Variants in ADARB2 observed in about 807,000 individuals in gnomAD.
The protein encoded by ADARB2 is adenosine deaminase RNA specific B2 (inactive), also known as inactive double-stranded RNA-specific editase B2.
In ADARB2, 25 loss-of-function variants were observed where a neutral mutation model predicts 62.2. The observed-to-expected ratio is 0.40, with a 90% CI of 0.29 to 0.56. The LOEUF is 0.56. Among genes scored for constraint, ADARB2 ranks in the 20% least tolerant of loss-of-function variants. The pLI is 0.43. For synonymous variants in ADARB2, 572 were observed against 500.8 expected (o/e 1.14, Z -1.90); for missense variants, 1,071 against 1,077.4 (o/e 0.99, Z 0.08).
chr10:1,696,637 C>T (rs373393808), intron 1 of ADARB2, among the ~76,000 whole-genome samples: 19 of 152,314 alleles, frequency 1.2e-4, no homozygotes, highest in African/African-American at 4.3e-4. Flanking sequence ...CGGACCTGCC[C>T]ACCTGGACAG....
chr10:1,380,634 C>T (rs543285128), intron 1 of ADARB2, among the ~76,000 whole-genome samples: 14 of 152,252 alleles, frequency 9.2e-5, no homozygotes, highest in African/African-American at 2.6e-4. Flanking sequence ...GAAATTCATT[C>T]GGGAGCCTGT....
intron 3 of ADARB2, among the ~76,000 whole-genome samples, chr10:1,335,981 C>A (rs1483654148): frequency 6.6e-6 from 1 of 152,240 alleles, no homozygotes; most frequent in African/African-American, 2.4e-5. Flanking sequence ...AGCATGTTTT[C>A]ATATTTCTTC....
At chr10:1,684,082 A>C (rs1834572832) in intron 1 of ADARB2, among the ~76,000 whole-genome samples, 1 of 152,270 alleles carries the variant, frequency 6.6e-6, no homozygotes, top group Admixed American at 6.5e-5. Flanking sequence ...TCAAAAGCAC[A>C]TCTTAACGAA....
chr10:1,609,720 C>T (rs898080412), intron 1 of ADARB2, among the ~76,000 whole-genome samples: 4 of 152,204 alleles, frequency 2.6e-5, no homozygotes, highest in Admixed American at 6.5e-5. Context: ...AGCACATGGG[C>T]GGGGCTTTAA....
At chr10:1,404,888 G>T (rs553652141) in intron 1 of ADARB2, among the ~76,000 whole-genome samples, 1 of 152,228 alleles carries the variant, frequency 6.6e-6, no homozygotes, top group Non-Finnish European at 1.5e-5. Context: ...GGGAGCTCAC[G>T]CTTTCTACAT....
chr10:1,575,725 G>A (rs2131995961), intron 1 of ADARB2, among the ~76,000 whole-genome samples: 1 of 152,332 alleles, frequency 6.6e-6, no homozygotes, highest in South Asian at 2.1e-4. Flanking sequence ...GGATCCCCCT[G>A]TGGTCAAGCT....
chr10:1,246,093 G>A (rs1406379068), intron 4 of ADARB2, among the ~76,000 whole-genome samples: 1 of 151,890 alleles, frequency 6.6e-6, no homozygotes, highest in Non-Finnish European at 1.5e-5. Context: ...GGCCAGTGAT[G>A]ATGAGCATTT....
At chr10:1,572,811 CT>C (rs908394212) in intron 1 of ADARB2, among the ~76,000 whole-genome samples, 1 of 152,222 alleles carries the variant, frequency 6.6e-6, no homozygotes, top group African/African-American at 2.4e-5. Context: ...AGGACTTCCC[CT>C]GCGTGGACAT....
Position 1,363,376 on chromosome 10 carries a change from G to T in ADARB2, c.729C>A (p.Asp243Glu). 1 of 1,322,082 alleles carries T rather than the reference G, an allele frequency of 7.6e-7. No individual in the cohort carries two copies. Among genetic ancestry groups the T allele is most frequent in the South Asian group, 2.2e-5 (1 of 46,238 alleles). The allele number at this position is 1,322,082 out of a possible 1,614,324, so 81.9% of individuals were successfully genotyped here. A position where few individuals can be genotyped will look rare whatever the true frequency, so the allele number is the denominator to read the frequency against. Residue 243 changes from aspartate to glutamate, a missense_variant, in exon 3 of 10, where the codon GAC becomes GAA. Coordinates refer to ENST00000381312, the MANE Select transcript of ADARB2 (RefSeq NM_018702.4). ...RPGLAGGRPG[D>E]AALLSAAYGR... ...CGTAGGCCGCGGACAGAAGCGCGGCGTCCCCGGGGCGGCCTCCCGCGAGTC... is the reference window on the plus strand; with the variant it reads ...CGTAGGCCGCGGACAGAAGCGCGGCTTCCCCGGGGCGGCCTCCCGCGAGTC...
At chr10:1,307,464 A>G (rs1392540460) in intron 3 of ADARB2, among the ~76,000 whole-genome samples, 1 of 137,918 alleles carries the variant, frequency 7.3e-6, no homozygotes, top group Non-Finnish European at 1.6e-5. Context: ...AAATAGGAAC[A>G]CTTTTACACT....
At chr10:1,283,786 C>T (rs1589177341) in intron 3 of ADARB2, among the ~76,000 whole-genome samples, 1 of 152,158 alleles carries the variant, frequency 6.6e-6, no homozygotes, top group African/African-American at 2.4e-5. Context: ...AGGAAGAGGC[C>T]ACTTCTGGGT....
At chr10:1,588,055 A>G (rs1833202606) in intron 1 of ADARB2, among the ~76,000 whole-genome samples, 1 of 152,166 alleles carries the variant, frequency 6.6e-6, no homozygotes, top group Non-Finnish European at 1.5e-5. Flanking sequence ...CAACAATACT[A>G]TGACAAGGGG....
At chr10:1,671,439 A>G (rs934080851) in intron 1 of ADARB2, among the ~76,000 whole-genome samples, 1 of 152,110 alleles carries the variant, frequency 6.6e-6, no homozygotes, top group Non-Finnish European at 1.5e-5. Flanking sequence ...CAACCTGGAG[A>G]TGTTCGGAAG....
At chr10:1,605,250 G>C (rs914588345) in intron 1 of ADARB2, among the ~76,000 whole-genome samples, 3 of 152,162 alleles carry the variant, frequency 2.0e-5, no homozygotes, top group Admixed American at 2.0e-4. Context: ...TGAGCGCCTC[G>C]TTCCTTCAGC....
At chr10:1,580,226 G>A (rs1833078492) in intron 1 of ADARB2, among the ~76,000 whole-genome samples, 1 of 152,142 alleles carries the variant, frequency 6.6e-6, no homozygotes, top group South Asian at 2.1e-4. Flanking sequence ...CAGCTCATAT[G>A]CAAAGTGGCT....
intron 1 of ADARB2, among the ~76,000 whole-genome samples, chr10:1,413,662 CCTGCCCCTGGGGCCGGGCCTTCTGTT>C (rs1245623217): frequency 6.6e-6 from 1 of 152,106 alleles, no homozygotes; most frequent in Admixed American, 6.5e-5. Context: ...TCACTCAGGC[CCTGCCCCTGGGGCCGGGCCTTCTGTT>C]CTGCCCAGCG....
chr10:1,576,199 T>TCGGC (rs1833019021), intron 1 of ADARB2, among the ~76,000 whole-genome samples: 1 of 123,260 alleles, frequency 8.1e-6, no homozygotes. Context: ...TCAGGGTCAC[T>TCGGC]GGAGGAGCTC....
chr10:1,468,449 G>A (rs575276533), intron 1 of ADARB2, among the ~76,000 whole-genome samples: 53 of 152,190 alleles, frequency 3.5e-4, no homozygotes, highest in Non-Finnish European at 6.6e-4. Context: ...CCCAAGATGC[G>A]CTTTTGTCCA....
intron 1 of ADARB2, among the ~76,000 whole-genome samples, chr10:1,430,123 G>A (rs549201087): frequency 2.0e-5 from 3 of 152,268 alleles, no homozygotes; most frequent in East Asian, 1.9e-4. Context: ...AGAGAACTAA[G>A]TGAAAGTGAA....
Sources: allele counts gnomAD v4.1 joint callset (sites outside exome capture counted in the v4.1 genomes callset), GRCh38; gene constraint gnomAD v4.1.1; transcripts MANE v1.5; gene names NCBI Gene and HGNC (gene_info 2026-07-23, HGNC 2026-07-21).